The following NUP37 variants were observed in gnomAD, a reference collection of about 807,000 sequenced individuals.
NUP37 encodes the protein nucleoporin Nup37.
NUP37 carries 33 observed loss-of-function variants against 45.4 expected under a neutral mutation model. The observed-to-expected ratio is 0.73, with a 90% confidence interval of 0.55 to 0.97. The LOEUF (loss-of-function observed/expected upper bound fraction) is 0.97, where lower values mean the gene tolerates loss of function less well. Ranked by LOEUF, NUP37 falls within the 50% of genes least tolerant of loss-of-function variation. NUP37 has a pLI of 0.00. For missense variants in NUP37, 365 were observed against 389.7 expected (o/e 0.94, Z 0.53); for synonymous variants, 127 against 130.7 (o/e 0.97, Z 0.19).
intron 5 of NUP37, among the ~76,000 whole-genome samples, chr12:102,096,442 CT>C (rs1262590966): frequency 3.3e-5 from 5 of 152,098 alleles, no homozygotes; most frequent in Admixed American, 6.5e-5. Context: ...TTTCATGAAC[CT>C]ATTCAGGTCA....
intron 5 of NUP37, among the ~76,000 whole-genome samples, chr12:102,087,047 C>A (rs1879492319): frequency 6.6e-6 from 1 of 152,188 alleles, no homozygotes; most frequent in Admixed American, 6.5e-5. Flanking sequence ...CTACAATGTG[C>A]CACGTTTGCA....
chr12:102,089,462 G>A lies in NUP37; in HGVS notation c.450-3606C>T, dbSNP rs188110076. Among the ~76,000 whole-genome samples the A allele has an allele frequency of 1.9e-3, 276 of 142,160 alleles. 1 individual carries two copies. Among genetic ancestry groups the A allele is most frequent in the Admixed American group, 3.3e-3 (47 of 14,044 alleles). The allele number at this position is 142,160 out of a possible 152,430, so 93.3% of individuals were successfully genotyped here. On this transcript the variant is annotated intron_variant, in intron 5 of 9. Transcript: ENST00000552283. Reference sequence around the variant, plus strand: ...TCCTCACTTCCCAGACGGGGCGGCCGGGCAGAGGCGCTCCTCACTTCCCAG... The same window carrying A: ...TCCTCACTTCCCAGACGGGGCGGCCAGGCAGAGGCGCTCCTCACTTCCCAG...
chr12:102,092,282 T>C (rs1480310721), intron 5 of NUP37, among the ~76,000 whole-genome samples: 1 of 152,128 alleles, frequency 6.6e-6, no homozygotes, highest in Non-Finnish European at 1.5e-5. Context: ...CCCTAACTGG[T>C]AAAGCAAAAA....
intron 2 of NUP37, chr12:102,115,970 C>A (rs1880449838): frequency 6.0e-6 from 1 of 167,340 alleles, no homozygotes; most frequent in Non-Finnish European, 1.2e-5. Flanking sequence ...ATTGTATTTC[C>A]AATGTCTGAT....
rs182745041 is a variant in NUP37 at position 102,120,062 on chromosome 12, G to A, written c.-78C>T. ...GCTCGATACGCACCGCAGAGCGCCA[G>A]GAACCGACCAGAGGCAGGCTGGTCT... On this transcript the variant is annotated 5_prime_UTR_variant, in exon 1 of 10. Coordinates refer to ENST00000552283, the MANE Select transcript of NUP37 (RefSeq NM_024057.4). 105 of 156,972 alleles carry A rather than the reference G, an allele frequency of 6.7e-4. No individual in the cohort carries two copies. The highest frequency in any genetic ancestry group is 1.4e-3 in the Non-Finnish European group (96 of 70,396). The allele number at this position is 156,972 out of a possible 1,614,324, so 9.7% of individuals were successfully genotyped here. A position where few individuals can be genotyped will look rare whatever the true frequency, so the allele number is the denominator to read the frequency against.
At position 102,073,480 on chromosome 12, in the gene NUP37, G is replaced by A. The variant is rs1231450275; in HGVS notation, c.*874C>T. 6.6e-6 allele frequency: 1 copy of A among 152,120 alleles called. No individual in the cohort carries two copies. The highest frequency in any genetic ancestry group is 1.5e-5 in the Non-Finnish European group (1 of 68,028). 9.4% of individuals were successfully genotyped at this position (152,120 alleles called of 1,614,324 possible). The stretch of plus-strand genomic sequence containing the variant: ...GTATACACTAGAAGTCATTTTTCAA[G>A]GTAACTTTTGATCCCATATATCAGA... On this transcript the variant is annotated 3_prime_UTR_variant, in exon 10 of 10. Coordinates refer to ENST00000552283, the MANE Select transcript of NUP37 (RefSeq NM_024057.4).
chr12:102,097,614 G>A (rs891688139), intron 5 of NUP37, among the ~76,000 whole-genome samples: 1 of 152,222 alleles, frequency 6.6e-6, no homozygotes, highest in South Asian at 2.1e-4. Context: ...AGGTCTCTCC[G>A]GCTTTCGTTC....
At position 102,077,491 on chromosome 12, in the gene NUP37, C is replaced by G; in HGVS notation, c.553G>C (p.Glu185Gln). Residue 185 changes from glutamate to glutamine, a missense_variant, in exon 7 of 10, where the codon GAG (glutamate) becomes CAG (glutamine). Glu to Gln is a conservative substitution (Grantham distance 29, BLOSUM62 2). Coordinates refer to ENST00000552283, the MANE Select transcript of NUP37 (RefSeq NM_024057.4). ...PEETFKLMVA[E>Q]KNGTIRFYDL... is the part of the protein sequence containing the mutation. ...TAAAACCGGATTGTTCCATTCTTCTCTGCAACCATTAGCTGTAAGACAGAA... is the reference window on the plus strand; with the variant it reads ...TAAAACCGGATTGTTCCATTCTTCTGTGCAACCATTAGCTGTAAGACAGAA... 1 of 1,612,960 alleles carries G rather than the reference C, an allele frequency of 6.2e-7. No homozygotes were observed. The highest frequency in any genetic ancestry group is 1.1e-5 in the South Asian group (1 of 91,048).
At position 102,077,443 on chromosome 12, in the gene NUP37, T is replaced by C. The variant is rs764620563; in HGVS notation, c.601A>G (p.Ile201Val). The C allele has an allele frequency of 6.2e-6, 10 of 1,613,966 alleles. No individual in the cohort carries two copies. The highest frequency in any genetic ancestry group is 1.3e-5 in the African/African-American group (1 of 74,938). Residue 201 changes from isoleucine (I) to valine (V), a missense_variant, in exon 7 of 10, where the codon ATT becomes GTT. Coordinates refer to ENST00000552283, the MANE Select transcript of NUP37 (RefSeq NM_024057.4). ...RFYDLLAQQAILSLESEQVPL... is the reference protein window; with the variant it reads ...RFYDLLAQQAVLSLESEQVPL... ...ACTTGTTCTGATTCAAGAGATAAAA[T>C]AGCCTGTTGGGCCAAAAGATCATAA...
At chr12:102,093,979 G>A (rs1361457047) in intron 5 of NUP37, among the ~76,000 whole-genome samples, 1 of 152,070 alleles carries the variant, frequency 6.6e-6, no homozygotes, top group Admixed American at 6.6e-5. Context: ...ATCATGTCAA[G>A]TTTTAGAAAA....
At position 102,077,520 on chromosome 12, in the gene NUP37, T is replaced by C; in HGVS notation, c.541-17A>G. Reference sequence around the variant, plus strand: ...AACCATTAGCTGTAAGACAGAAAAATAAAAAGAAACTCAATCACTTATCTC... The same window carrying C: ...AACCATTAGCTGTAAGACAGAAAAACAAAAAGAAACTCAATCACTTATCTC... On this transcript the variant is annotated splice_polypyrimidine_tract_variant and intron_variant, in intron 6 of 9. Coordinates refer to ENST00000552283, the MANE Select transcript of NUP37 (RefSeq NM_024057.4). 6.3e-7 allele frequency: 1 copy of C among 1,599,960 alleles called. No individual in the cohort carries two copies. The highest frequency in any genetic ancestry group is 8.5e-7 in the Non-Finnish European group (1 of 1,175,314).
intron 3 of NUP37, among the ~76,000 whole-genome samples, chr12:102,108,724 A>G (rs1180722811): frequency 6.6e-6 from 1 of 152,180 alleles, no homozygotes; most frequent in African/African-American, 2.4e-5. Flanking sequence ...TCCAATTATT[A>G]TTTTGGGAAT....
chr12:102,099,501 T>C (rs1477808134), intron 4 of NUP37, among the ~76,000 whole-genome samples: 1 of 152,072 alleles, frequency 6.6e-6, no homozygotes, highest in East Asian at 1.9e-4. Flanking sequence ...TCATATCACC[T>C]CCTTTCTCAC....
chr12:102,087,586 T>G (rs1272121523), intron 5 of NUP37, among the ~76,000 whole-genome samples: 1 of 152,216 alleles, frequency 6.6e-6, no homozygotes, highest in Non-Finnish European at 1.5e-5. Context: ...AATTAGATTA[T>G]TAATTATGGC....
intron 5 of NUP37, among the ~76,000 whole-genome samples, chr12:102,088,112 C>A (rs1193695834): frequency 2.6e-5 from 4 of 152,148 alleles, no homozygotes; most frequent in Non-Finnish European, 5.9e-5. Flanking sequence ...GTTACACAAT[C>A]CAAGTAGTAA....
At chr12:102,105,968 T>A (rs1365923753) in intron 3 of NUP37, among the ~76,000 whole-genome samples, 1 of 152,012 alleles carries the variant, frequency 6.6e-6, no homozygotes, top group Non-Finnish European at 1.5e-5. Flanking sequence ...CAAACATGAT[T>A]AAATTAAAGG....
At chr12:102,086,494 G>T (rs1474553865) in intron 5 of NUP37, among the ~76,000 whole-genome samples, 2 of 152,102 alleles carry the variant, frequency 1.3e-5, no homozygotes, top group African/African-American at 2.4e-5. Context: ...GTTGAAAGAG[G>T]CATTTGGTTC....
At chr12:102,089,336 A>AC (rs1043405289) in intron 5 of NUP37, among the ~76,000 whole-genome samples, 2 of 142,962 alleles carry the variant, frequency 1.4e-5, no homozygotes, top group African/African-American at 5.7e-5. Flanking sequence ...GGCCGGGCAG[A>AC]GGCGCTCCTC....
chr12:102,090,740 T>C (rs1354962538), intron 5 of NUP37, among the ~76,000 whole-genome samples: 1 of 152,212 alleles, frequency 6.6e-6, no homozygotes, highest in Non-Finnish European at 1.5e-5. Flanking sequence ...ATTTTGGTTG[T>C]GGTTCATGCC....
Sources: allele counts gnomAD v4.1 joint callset (sites outside exome capture counted in the v4.1 genomes callset), GRCh38; gene constraint gnomAD v4.1.1; transcripts MANE v1.5; gene names NCBI Gene and HGNC (gene_info 2026-07-23, HGNC 2026-07-21).